The following ANXA3 variants were observed in gnomAD, a reference collection of about 807,000 sequenced individuals.
The protein encoded by ANXA3 is annexin A3.
Under a neutral mutation model 48.8 loss-of-function variants are expected in ANXA3, and 46 were observed. The observed-to-expected ratio is 0.94, with a 90% confidence interval of 0.74 to 1.21. The LOEUF (loss-of-function observed/expected upper bound fraction) is 1.21, where lower values mean the gene tolerates loss of function less well. Ranked by LOEUF, ANXA3 falls within the 50% of genes most tolerant of loss-of-function variation. The probability of loss-of-function intolerance (pLI) is 0.00; values close to 1 mark genes in which losing one functional copy is unlikely to be tolerated. For missense variants in ANXA3, 383 were observed against 378.6 expected, an observed-to-expected ratio of 1.01 and a Z score of -0.10; for synonymous variants, 128 against 134.7, an observed-to-expected ratio of 0.95 and a Z score of 0.35.
intron 11 of ANXA3, chr4:78,602,296 G>GAATGTCAT (rs1723562279): frequency 6.7e-6 from 1 of 149,548 alleles, no homozygotes; most frequent in Non-Finnish European, 1.5e-5. Context: ...AATGTTGATA[G>GAATGTCAT]AATGTCATAT....
At chr4:78,564,425 T>A (rs1156763154) in intron 2 of ANXA3, among the ~76,000 whole-genome samples, 1 of 143,064 alleles carries the variant, frequency 7.0e-6, no homozygotes. Flanking sequence ...AAGTCCACAC[T>A]GTGAGATGTC....
chr4:78,604,482 G>A, intron 12 of ANXA3, 83 bp downstream of exon 12: 1 of 1,178,696 alleles, frequency 8.5e-7, no homozygotes, highest in Middle Eastern at 2.6e-4. Context: ...AAAATATAAA[G>A]ATATTTGACT....
rs1723020769 is a variant in ANXA3 at position 78,579,045 on chromosome 4, TCATCA to T, written c.123_127del (p.Ile42HisfsTer4). 1 of 1,610,956 alleles carries T rather than the reference TCATCA, an allele frequency of 6.2e-7. No individual in the cohort carries two copies. The highest frequency in any genetic ancestry group is 1.3e-5 in the African/African-American group (1 of 74,882). ...CATTTAGGAACTGATGAGAAAATGC[TCATCA>T]GCATTCTGACTGAGAGGTCAAATGC... is the stretch of plus-strand genomic sequence containing the variant. On this transcript the variant is annotated frameshift_variant, in exon 4 of 13. Coordinates refer to ENST00000264908, the MANE Select transcript of ANXA3 (RefSeq NM_005139.3). LOFTEE classifies it high-confidence loss of function.
At chr4:78,560,810 C>G (rs994517679) in intron 2 of ANXA3, among the ~76,000 whole-genome samples, 2 of 152,060 alleles carry the variant, frequency 1.3e-5, no homozygotes, top group African/African-American at 4.8e-5. Flanking sequence ...CAGGAAATTC[C>G]AAGGGTTTTT....
intron 1 of ANXA3, chr4:78,552,260 G>T (rs1016779599): frequency 6.6e-6 from 1 of 152,464 alleles, no homozygotes; most frequent in Non-Finnish European, 1.5e-5. Context: ...AAAAAGCTGG[G>T]AGTCGGAAGG....
chr4:78,558,891 A>G (rs1481050184), intron 2 of ANXA3, among the ~76,000 whole-genome samples: 1 of 152,124 alleles, frequency 6.6e-6, no homozygotes. Flanking sequence ...ACTTTTTATT[A>G]AGCTACCACA....
chr4:78,564,729 A>C (rs951502735), intron 2 of ANXA3, among the ~76,000 whole-genome samples: 18 of 152,230 alleles, frequency 1.2e-4, no homozygotes, highest in African/African-American at 4.3e-4. Context: ...GATGGTCTTT[A>C]AGGAGAGGAC....
intron 2 of ANXA3, among the ~76,000 whole-genome samples, chr4:78,560,090 C>T (rs1035338383): frequency 3.9e-5 from 6 of 152,134 alleles, no homozygotes; most frequent in African/African-American, 1.4e-4. Flanking sequence ...CAATCAGATT[C>T]CTTCTGACCA....
intron 7 of ANXA3, among the ~76,000 whole-genome samples, chr4:78,593,177 A>T (rs555637736): frequency 6.6e-6 from 1 of 150,732 alleles, no homozygotes; most frequent in East Asian, 2.0e-4. Flanking sequence ...AGCCTTTAAT[A>T]TCACAGTTGG....
chr4:78,582,556 A>G (rs1236227555), intron 5 of ANXA3: 2 of 385,156 alleles, frequency 5.2e-6, no homozygotes, highest in Non-Finnish European at 4.7e-6. Flanking sequence ...AAATAGCACT[A>G]TGATTAACCC....
At chr4:78,559,690 A>T (rs1291887984) in intron 2 of ANXA3, among the ~76,000 whole-genome samples, 2 of 152,074 alleles carry the variant, frequency 1.3e-5, no homozygotes. Context: ...CAAAATTGTA[A>T]CTCTCCCTTT....
chr4:78,573,397 A>G (rs1177539421), intron 3 of ANXA3, 130 bp downstream of exon 3: 4 of 662,160 alleles, frequency 6.0e-6, no homozygotes, highest in Non-Finnish European at 1.0e-5. Flanking sequence ...AAATTGTGAA[A>G]TAACGAGGAA....
intron 2 of ANXA3, among the ~76,000 whole-genome samples, chr4:78,560,646 C>T (rs1201464709): frequency 6.6e-6 from 1 of 152,220 alleles, no homozygotes; most frequent in Non-Finnish European, 1.5e-5. Context: ...AACTCAATAT[C>T]CAGCCCCTCT....
At chr4:78,598,786 C>T (rs1723479365) in intron 10 of ANXA3, among the ~76,000 whole-genome samples, 2 of 152,106 alleles carry the variant, frequency 1.3e-5, no homozygotes, top group South Asian at 2.1e-4. Context: ...GTGATCCGCC[C>T]ACCTCTGCCT....
intron 2 of ANXA3, among the ~76,000 whole-genome samples, chr4:78,561,800 C>T (rs1722632847): frequency 6.6e-6 from 1 of 152,140 alleles, no homozygotes; most frequent in Non-Finnish European, 1.5e-5. Context: ...CCTGAAGCTG[C>T]TTTAGGTAAA....
intron 12 of ANXA3, among the ~76,000 whole-genome samples, chr4:78,607,237 C>T (rs1191415600): frequency 6.6e-6 from 1 of 152,220 alleles, no homozygotes; most frequent in Admixed American, 6.5e-5. Flanking sequence ...TTCTTTATTT[C>T]TACCACCTAA....
rs5941 is a variant in ANXA3, at chr4:78,604,359, T to C, written c.872T>C (p.Phe291Ser). Reference protein sequence around the residue: ...EIDLLDIRTEFKKHYGYSLYS... With the variant: ...EIDLLDIRTESKKHYGYSLYS... The stretch of plus-strand genomic sequence containing the variant: ...GACCTTTTGGACATTCGAACAGAGT[T>C]CAAGAAGCATTATGGCTATTCCCTA... Residue 291 changes from phenylalanine (F) to serine (S), a missense_variant, in exon 12 of 13, where the codon TTC becomes TCC. By Grantham distance (155) the Phe-to-Ser change is radical (BLOSUM62 -2). Coordinates refer to ENST00000264908, the MANE Select transcript of ANXA3 (RefSeq NM_005139.3). The C allele has an allele frequency of 1.1e-4, 176 of 1,613,340 alleles. 1 individual carries two copies. In the Middle Eastern group the frequency reaches 2.3e-3, roughly 21 times the overall value.
chr4:78,557,391 T>C (rs1690724778), intron 2 of ANXA3, among the ~76,000 whole-genome samples: 1 of 152,236 alleles, frequency 6.6e-6, no homozygotes, highest in South Asian at 2.1e-4. Context: ...CACGGGCTAA[T>C]CCCTGTGTTT....
chr4:78,583,482 G>C (rs536440321), intron 5 of ANXA3, among the ~76,000 whole-genome samples: 66 of 146,906 alleles, frequency 4.5e-4, no homozygotes, highest in African/African-American at 9.6e-4. Context: ...AAATTAGCCA[G>C]GCATGGTGGC....
Sources: gnomAD v4.1 joint callset for allele counts (sites outside exome capture counted in the v4.1 genomes callset) on GRCh38, gnomAD v4.1.1 for gene constraint, MANE v1.5 for transcripts, NCBI Gene and HGNC (gene_info 2026-07-23, HGNC 2026-07-21) for gene names.